Variants in SFMBT2 observed in about 807,000 individuals in gnomAD.
SFMBT2 encodes scm-like with four MBT domains protein 2.
A neutral mutation model predicts 110.1 loss-of-function variants in SFMBT2; 38 were observed. The ratio of observed to expected loss-of-function variants is 0.35; its 90% confidence interval spans 0.27 to 0.45. The LOEUF (loss-of-function observed/expected upper bound fraction) is 0.45. SFMBT2 is among the 20% of genes least tolerant of loss of function. SFMBT2 has a pLI of 1.00. For synonymous variants in SFMBT2, 425 were observed against 425.4 expected (o/e 1.00, Z 0.01); for missense variants, 1,011 against 1,094.9 (o/e 0.92, Z 1.08).
chr10:7,334,926 T>C (rs1418809504), intron 4 of SFMBT2, among the ~76,000 whole-genome samples: 1 of 151,990 alleles, frequency 6.6e-6, no homozygotes, highest in African/African-American at 2.4e-5. Context: ...TCACAGAAAT[T>C]AACACCTGAA....
chr10:7,174,553 A>T lies in SFMBT2; in HGVS notation c.1984+1437T>A, dbSNP rs187899495. ...ATTAACCCAAAGGATCTTGGGACTT[A>T]AGAGTTTTATTATATGAGATCCGGA... On this transcript the variant is annotated intron_variant, in intron 17 of 20. Transcript: ENST00000397167. Among the ~76,000 whole-genome samples the T allele has an allele frequency of 4.6e-5, 7 of 152,336 alleles. No individual in the cohort carries two copies. In the East Asian group the frequency reaches 1.3e-3, roughly 29 times the overall value.
chr10:7,367,649 C>A lies in SFMBT2; in HGVS notation c.436G>T (p.Ala146Ser). The change falls in exon 4 of 21, where the codon GCA (alanine) becomes TCA (serine). Residue 146 changes from alanine to serine, a missense_variant and splice_region_variant. By Grantham distance (99) the Ala-to-Ser change is moderately conservative. Coordinates refer to ENST00000397167, the MANE Select transcript of SFMBT2 (RefSeq NM_001387889.1). This position sits in a 1 kb window ranked among gnomAD's most constrained non-coding sequence, Gnocchi z 6.2. ...QNNKVLMPPDAIKEKYTDWTE... is the reference protein window; with the variant it reads ...QNNKVLMPPDSIKEKYTDWTE... ...CGAAGCCTTTGAAACAGGGGCTCAC[C>A]GTCCGGCGGCATCAACACCTTGTTG... 1 of 1,605,682 alleles carries A rather than the reference C, an allele frequency of 6.2e-7. No homozygotes were observed. Among genetic ancestry groups the A allele is most frequent in the Non-Finnish European group, 8.5e-7 (1 of 1,174,178 alleles).
chr10:7,222,422 AG>A (rs1839771514), intron 10 of SFMBT2, among the ~76,000 whole-genome samples: 1 of 152,184 alleles, frequency 6.6e-6, no homozygotes, highest in Non-Finnish European at 1.5e-5. Context: ...ATGGTCCTGG[AG>A]GCTGGAAGTC....
intron 11 of SFMBT2, among the ~76,000 whole-genome samples, chr10:7,216,648 A>G (rs1839552712): frequency 6.6e-6 from 1 of 152,082 alleles, no homozygotes; most frequent in Admixed American, 6.6e-5. Flanking sequence ...TTTGCTTCTA[A>G]AAGTCTCCTC....
At chr10:7,285,336 G>A (rs117326892) in intron 5 of SFMBT2, 1 of 152,248 alleles carries the variant, frequency 6.6e-6, no homozygotes, top group Non-Finnish European at 1.5e-5. Flanking sequence ...AATTTCCTTG[G>A]CTACACTGAA....
intron 3 of SFMBT2, among the ~76,000 whole-genome samples, chr10:7,369,399 G>C (rs1845000989): frequency 6.6e-6 from 1 of 152,162 alleles, no homozygotes; most frequent in Admixed American, 6.5e-5. Flanking sequence ...GAACCCAGGT[G>C]AGTTAGACTT....
intron 2 of SFMBT2, among the ~76,000 whole-genome samples, chr10:7,376,889 C>T (rs904151134): frequency 3.3e-5 from 5 of 149,736 alleles, no homozygotes; most frequent in African/African-American, 7.3e-5. Context: ...AGAAAACACC[C>T]GGCCGAGTGT....
chr10:7,225,650 T>C (rs896509220), intron 10 of SFMBT2, among the ~76,000 whole-genome samples: 23 of 152,188 alleles, frequency 1.5e-4, no homozygotes, highest in African/African-American at 5.5e-4. Flanking sequence ...TTCAAAGCCA[T>C]GTGGACAATT....
At chr10:7,342,811 C>A (rs1268277071) in intron 4 of SFMBT2, among the ~76,000 whole-genome samples, 1 of 152,176 alleles carries the variant, frequency 6.6e-6, no homozygotes, top group African/African-American at 2.4e-5. Context: ...CAGGAAACAA[C>A]TGGGAAATGA....
At chr10:7,333,581 T>C (rs573559574) in intron 4 of SFMBT2, among the ~76,000 whole-genome samples, 4 of 151,738 alleles carry the variant, frequency 2.6e-5, no homozygotes, top group African/African-American at 9.7e-5. Flanking sequence ...TTGGTAGAGA[T>C]GGGGTGTATT....
intron 1 of SFMBT2, among the ~76,000 whole-genome samples, chr10:7,395,448 T>C (rs1588508832): frequency 6.6e-6 from 1 of 152,374 alleles, no homozygotes; most frequent in East Asian, 1.9e-4. Flanking sequence ...GGCACCCTAG[T>C]GGTGAGTGAC....
At chr10:7,233,752 C>A (rs1840177789) in intron 9 of SFMBT2, among the ~76,000 whole-genome samples, 1 of 152,210 alleles carries the variant, frequency 6.6e-6, no homozygotes, top group Admixed American at 6.5e-5. Flanking sequence ...TCCTTTCAAG[C>A]CCAAGTTTTT....
At chr10:7,363,921 G>GT (rs1402739542) in intron 4 of SFMBT2, among the ~76,000 whole-genome samples, 1 of 152,028 alleles carries the variant, frequency 6.6e-6, no homozygotes, top group Non-Finnish European at 1.5e-5. Context: ...CTGGATCGCT[G>GT]TAACTCCTGT....
intron 1 of SFMBT2, among the ~76,000 whole-genome samples, chr10:7,387,870 C>G (rs1208420300): frequency 6.6e-6 from 1 of 151,148 alleles, no homozygotes; most frequent in Non-Finnish European, 1.5e-5. Flanking sequence ...ATTGCTTGAA[C>G]CCGGGAGGCA....
chr10:7,315,515 G>A (rs1276624613), intron 4 of SFMBT2, among the ~76,000 whole-genome samples: 3 of 152,142 alleles, frequency 2.0e-5, no homozygotes, highest in African/African-American at 7.2e-5. Context: ...CAGTTCTCAG[G>A]CCTCAGGCTA....
chr10:7,284,344 T>C, intron 5 of SFMBT2, 194 bp from the exon 6 acceptor site: 1 of 1,373,040 alleles, frequency 7.3e-7, no homozygotes, highest in Non-Finnish European at 9.4e-7. Flanking sequence ...CACATCCATG[T>C]ACCCCATTCC....
chr10:7,253,329 C>A (rs908443836), intron 7 of SFMBT2, among the ~76,000 whole-genome samples: 1 of 152,138 alleles, frequency 6.6e-6, no homozygotes, highest in African/African-American at 2.4e-5. Flanking sequence ...TACAGGAAGC[C>A]CAGGACTTGT....
At chr10:7,181,530 A>T (rs548102776) in intron 16 of SFMBT2, among the ~76,000 whole-genome samples, 18 of 152,316 alleles carry the variant, frequency 1.2e-4, no homozygotes, top group African/African-American at 3.8e-4. Flanking sequence ...TAAGTATGAG[A>T]TTGTTTCAAA....
intron 2 of SFMBT2, among the ~76,000 whole-genome samples, chr10:7,371,333 G>C (rs1404412832): frequency 6.6e-6 from 1 of 151,986 alleles, no homozygotes; most frequent in Admixed American, 6.6e-5. Context: ...CTACACGTTG[G>C]CCAGGCTGGT....
Sources: gnomAD v4.1 joint callset for allele counts (sites outside exome capture counted in the v4.1 genomes callset) on GRCh38, gnomAD v4.1.1 for gene constraint, Gnocchi (gnomAD v3.1) non-coding constraint, MANE v1.5 for transcripts, NCBI Gene and HGNC (gene_info 2026-07-23, HGNC 2026-07-21) for gene names.